The following CHIC2 variants were observed in gnomAD, a reference collection of about 807,000 sequenced individuals.
The protein encoded by CHIC2 is cysteine rich hydrophobic domain 2, also known as cysteine-rich hydrophobic domain-containing protein 2.
In CHIC2, 14 loss-of-function variants were observed where a neutral mutation model predicts 25.9. The ratio of observed to expected loss-of-function variants is 0.54; its 90% CI spans 0.36 to 0.85. The LOEUF (loss-of-function observed/expected upper bound fraction) is 0.85, where lower values mean the gene tolerates loss of function less well. Ranked by LOEUF, CHIC2 falls within the 40% of genes least tolerant of loss-of-function variation. The pLI is 0.01. For missense variants in CHIC2, 146 were observed against 202.0 expected (o/e 0.72, Z 1.68); for synonymous variants, 70 against 72.0 (o/e 0.97, Z 0.14).
intron 1 of CHIC2, among the ~76,000 whole-genome samples, chr4:54,058,553 C>CACAT (rs1357237168): frequency 0.045 from 5,659 of 125,874 alleles, 85 homozygotes; most frequent in African/African-American, 0.055. Context: ...CACACATACA[C>CACAT]ACACATACAC....
At chr4:54,041,967 C>T (rs994634017) in intron 3 of CHIC2, among the ~76,000 whole-genome samples, 6 of 150,798 alleles carry the variant, frequency 4.0e-5, no homozygotes, top group Non-Finnish European at 8.8e-5. Context: ...ATGTAACAAA[C>T]CTGCACATTC....
chr4:54,046,347 A>G (rs1232398940), intron 3 of CHIC2, among the ~76,000 whole-genome samples: 1 of 152,156 alleles, frequency 6.6e-6, no homozygotes, highest in Non-Finnish European at 1.5e-5. Context: ...CGCCAAGTCA[A>G]TCCTAAGCCA....
chr4:54,017,046 T>C (rs1285644621), intron 3 of CHIC2, among the ~76,000 whole-genome samples: 1 of 152,182 alleles, frequency 6.6e-6, no homozygotes, highest in Non-Finnish European at 1.5e-5. Flanking sequence ...TCAGCATTTA[T>C]AAAAGCTACT....
intron 3 of CHIC2, among the ~76,000 whole-genome samples, chr4:54,043,356 G>A (rs1207027736): frequency 6.7e-6 from 1 of 150,344 alleles, no homozygotes; most frequent in Non-Finnish European, 1.5e-5. Flanking sequence ...GGGAGGTGGA[G>A]CTTGCAGTGA....
intron 1 of CHIC2, among the ~76,000 whole-genome samples, chr4:54,050,858 G>A (rs548347088): frequency 2.0e-5 from 3 of 152,158 alleles, no homozygotes; most frequent in African/African-American, 7.2e-5. Context: ...AGTCCCCATA[G>A]TTAAGCACCA....
At chr4:54,085,676 A>ACTGTT in the CHIC2 span, among the ~76,000 whole-genome samples, 1 of 152,170 alleles carries the variant, frequency 6.6e-6, no homozygotes, top group Admixed American at 6.5e-5. Context: ...TTTCCCAAAA[A>ACTGTT]CTGTTCATGT....
chr4:54,049,331 G>T lies in CHIC2; in HGVS notation c.120-26C>A, dbSNP rs201892660. The T allele has an allele frequency of 1.4e-3, 2,060 of 1,447,570 alleles. 7 individuals carry two copies. Among genetic ancestry groups the T allele is most frequent in the South Asian group, 5.3e-3 (420 of 79,876 alleles). The allele number at this position is 1,447,570 out of a possible 1,614,324, so 89.7% of individuals were successfully genotyped here. On this transcript the variant is annotated intron_variant, in intron 1 of 5. Coordinates refer to ENST00000263921, the MANE Select transcript of CHIC2 (RefSeq NM_012110.4). ...CTATTTTAAAAAATAAGAAGAATAT[G>T]TTATTACATGTTATTGTTGCCAAAA...
At chr4:54,078,782 T>G in the CHIC2 span, among the ~76,000 whole-genome samples, 87 of 152,210 alleles carry the variant, frequency 5.7e-4, no homozygotes, top group African/African-American at 1.9e-3. Flanking sequence ...CCCAAAGTGC[T>G]GGGATTACAT....
chr4:54,010,440 C>G (rs1046657102), intron 5 of CHIC2, among the ~76,000 whole-genome samples: 1 of 152,062 alleles, frequency 6.6e-6, no homozygotes, highest in Non-Finnish European at 1.5e-5. Flanking sequence ...GCCCCTGATA[C>G]ACTGGAGGAG....
intron 3 of CHIC2, among the ~76,000 whole-genome samples, chr4:54,036,893 A>C (rs1291828034): frequency 6.6e-6 from 1 of 152,192 alleles, no homozygotes; most frequent in Non-Finnish European, 1.5e-5. Context: ...TATGTCCCCA[A>C]AAAGACCTGA....
At position 54,046,338 on chromosome 4, in the gene CHIC2, G is replaced by A. The variant is rs1220140442; in HGVS notation, c.330+2617C>T. 1.5e-4 allele frequency among the ~76,000 whole-genome samples: 23 copies of A among 152,124 alleles called. No homozygotes were observed. The South Asian group carries it at 2.1e-3, about 14-fold the overall frequency. On this transcript the variant is annotated intron_variant, in intron 3 of 5. Transcript: ENST00000263921. ...ATGGAACCAAAAAAGAGCCCGCATC[G>A]CCAAGTCAATCCTAAGCCAAAAGAA...
the CHIC2 span, among the ~76,000 whole-genome samples, chr4:54,079,359 A>AT: frequency 0.015 from 2,248 of 152,086 alleles, 43 homozygotes; most frequent in African/African-American, 0.049. Flanking sequence ...ATTGGCAATG[A>AT]TTTTTTTTGG....
At chr4:54,045,601 C>A (rs1378519839) in intron 3 of CHIC2, among the ~76,000 whole-genome samples, 16 of 151,224 alleles carry the variant, frequency 1.1e-4, no homozygotes, top group African/African-American at 2.7e-4. Context: ...ATTCAACAAC[C>A]CTTCATGCTA....
At chr4:54,069,407 G>A (rs191756847), upstream of CHIC2, among the ~76,000 whole-genome samples, 5 of 152,366 alleles carry the variant, frequency 3.3e-5, no homozygotes, top group East Asian at 7.7e-4. Context: ...GGTCTTGGGT[G>A]CAGGAGCTTC....
At chr4:54,020,837 C>T (rs1715875122) in intron 3 of CHIC2, among the ~76,000 whole-genome samples, 1 of 152,170 alleles carries the variant, frequency 6.6e-6, no homozygotes, top group East Asian at 1.9e-4. Flanking sequence ...TTAATCATTG[C>T]AGAGACGCCT....
At chr4:54,088,337 C>T in the CHIC2 span, among the ~76,000 whole-genome samples, 9 of 151,818 alleles carry the variant, frequency 5.9e-5, no homozygotes, top group Non-Finnish European at 1.0e-4. Context: ...CATGTTGTAA[C>T]GTGATAGAGG....
chr4:54,015,702 A>C (rs577292359), intron 3 of CHIC2, among the ~76,000 whole-genome samples: 1 of 152,326 alleles, frequency 6.6e-6, no homozygotes, highest in East Asian at 1.9e-4. Context: ...TCTTTAGCAC[A>C]ATGCAACTTC....
At chr4:54,066,078 G>T (rs1339421748), upstream of CHIC2, among the ~76,000 whole-genome samples, 1 of 152,204 alleles carries the variant, frequency 6.6e-6, no homozygotes, top group Non-Finnish European at 1.5e-5. Flanking sequence ...TGTCATCTCT[G>T]CCAGGGGCTC....
chr4:54,013,981 T>A (rs1715667290), intron 4 of CHIC2, 82 bp downstream of exon 4: 2 of 1,596,004 alleles, frequency 1.3e-6, no homozygotes, highest in Non-Finnish European at 8.6e-7. Context: ...ACCTTTCATA[T>A]TTTTAGTTCA....
Sources: allele counts gnomAD v4.1 joint callset (sites outside exome capture counted in the v4.1 genomes callset), GRCh38; gene constraint gnomAD v4.1.1; transcripts MANE v1.5; gene names NCBI Gene and HGNC (gene_info 2026-07-23, HGNC 2026-07-21).